SHANK2: variants seen among roughly 807,000 people sequenced by gnomAD.
SHANK2 encodes the protein SH3 and multiple ankyrin repeat domains protein 2.
In SHANK2, 43 loss-of-function variants were observed where a neutral mutation model predicts 133.7. That is an observed-to-expected ratio of 0.32 (90% CI 0.25 to 0.41). The LOEUF is 0.41. Among genes scored for constraint, SHANK2 ranks in the 10% least tolerant of loss-of-function variants. SHANK2 has a pLI of 1.00. For missense variants in SHANK2, 1,994 were observed against 2,235.8 expected (o/e 0.89, Z 2.18); for synonymous variants, 1,017 against 952.8 (o/e 1.07, Z -1.24).
At chr11:70,480,223 C>T (rs1490666422) in intron 25 of SHANK2, among the ~76,000 whole-genome samples, 2 of 152,240 alleles carry the variant, frequency 1.3e-5, no homozygotes, top group Non-Finnish European at 2.9e-5. Flanking sequence ...GCCTTGTACT[C>T]TCTGTCCCGT....
At chr11:70,836,509 T>TG (rs1948819993) in intron 11 of SHANK2, among the ~76,000 whole-genome samples, 1 of 152,248 alleles carries the variant, frequency 6.6e-6, no homozygotes, top group Non-Finnish European at 1.5e-5. Flanking sequence ...ACCCAAGGCC[T>TG]GGACCTCTAC....
At chr11:70,795,827 G>A (rs1555049037) in intron 14 of SHANK2, among the ~76,000 whole-genome samples, 1 of 152,208 alleles carries the variant, frequency 6.6e-6, no homozygotes, top group Non-Finnish European at 1.5e-5. Context: ...GGGGCCATGA[G>A]CCAAGGATGT....
Position 70,742,593 on chromosome 11 carries a change from C to A in SHANK2, c.1778-43830G>T, listed in dbSNP as rs550647311. Among the ~76,000 whole-genome samples the A allele has an allele frequency of 6.6e-5, 10 of 152,344 alleles. No homozygotes were observed. In the South Asian group the frequency reaches 1.9e-3, roughly 28 times the overall value. ...CAGTCCAGTTCACGCCACCCCCCAC[C>A]CGGCTCTGCCATCCCATAATCCAGC... is the stretch of plus-strand genomic sequence containing the variant. On this transcript the variant is annotated intron_variant, in intron 14 of 25. Transcript: ENST00000601538.
chr11:70,666,243 C>G (rs1477418938), intron 15 of SHANK2, among the ~76,000 whole-genome samples: 2 of 152,154 alleles, frequency 1.3e-5, no homozygotes, highest in Non-Finnish European at 2.9e-5. Flanking sequence ...GAAAAGGCAG[C>G]CCCAGGCCCT....
chr11:70,691,383 C>G (rs1304816276), intron 15 of SHANK2, among the ~76,000 whole-genome samples: 2 of 152,056 alleles, frequency 1.3e-5, no homozygotes, highest in African/African-American at 4.8e-5. Context: ...GAGGGCTGTC[C>G]ATCACAATAG....
At chr11:70,523,814 T>C (rs2059361391) in intron 17 of SHANK2, among the ~76,000 whole-genome samples, 1 of 152,110 alleles carries the variant, frequency 6.6e-6, no homozygotes, top group African/African-American at 2.4e-5. Flanking sequence ...TGGAAGAGCA[T>C]CATATGGAGG....
chr11:71,166,908 T>C (rs547962334), intron 2 of SHANK2, among the ~76,000 whole-genome samples: 1 of 139,392 alleles, frequency 7.2e-6, no homozygotes, highest in South Asian at 2.5e-4. Flanking sequence ...CAAAGGTCTC[T>C]GGTTTTCCTA....
At chr11:71,125,140 A>ATAAT (rs1952158405) in intron 3 of SHANK2, among the ~76,000 whole-genome samples, 1 of 152,142 alleles carries the variant, frequency 6.6e-6, no homozygotes, top group Non-Finnish European at 1.5e-5. Context: ...CTATGCCCCG[A>ATAAT]GACACAATAA....
chr11:71,062,414 G>T (rs965322998), intron 9 of SHANK2, among the ~76,000 whole-genome samples: 3 of 152,210 alleles, frequency 2.0e-5, no homozygotes, highest in Non-Finnish European at 4.4e-5. Flanking sequence ...GGCCTGGTGG[G>T]GTCAGCAAAG....
At chr11:70,512,207 G>A (rs1482720111) in intron 17 of SHANK2, among the ~76,000 whole-genome samples, 1 of 152,134 alleles carries the variant, frequency 6.6e-6, no homozygotes, top group African/African-American at 2.4e-5. Context: ...AATTCTACCT[G>A]CCAGCTGCCA....
intron 13 of SHANK2, among the ~76,000 whole-genome samples, chr11:70,800,317 C>G (rs557948171): frequency 6.6e-6 from 1 of 152,244 alleles, no homozygotes; most frequent in Non-Finnish European, 1.5e-5. Flanking sequence ...TGAGCCACTG[C>G]GCCGGTCTGT....
At chr11:71,070,038 G>A (rs1293407552) in intron 9 of SHANK2, among the ~76,000 whole-genome samples, 9 of 152,220 alleles carry the variant, frequency 5.9e-5, no homozygotes, top group African/African-American at 2.2e-4. Flanking sequence ...GGTGACTCAG[G>A]AAGGAAAGAA....
intron 2 of SHANK2, among the ~76,000 whole-genome samples, chr11:71,162,888 T>C (rs1318192752): frequency 6.6e-6 from 1 of 151,562 alleles, no homozygotes; most frequent in Non-Finnish European, 1.5e-5. Context: ...CTGACTAACA[T>C]GGTGAAACCC....
chr11:71,195,867 A>G (rs1482202598), intron 2 of SHANK2, among the ~76,000 whole-genome samples: 1 of 152,140 alleles, frequency 6.6e-6, no homozygotes, highest in Non-Finnish European at 1.5e-5. Flanking sequence ...TGCCTGCCAT[A>G]GAGGAGAGTC....
intron 1 of SHANK2, among the ~76,000 whole-genome samples, chr11:71,227,027 T>C (rs1226005150): frequency 1.2e-4 from 18 of 152,082 alleles, no homozygotes; most frequent in Admixed American, 1.2e-3. Flanking sequence ...GGTATTACAA[T>C]AGATGATAAA....
At chr11:70,783,833 C>T (rs542727928) in intron 14 of SHANK2, among the ~76,000 whole-genome samples, 1 of 152,326 alleles carries the variant, frequency 6.6e-6, no homozygotes, top group South Asian at 2.1e-4. Context: ...ACACAGGCAC[C>T]AAACAGGATC....
rs147296443 is a variant in SHANK2 at position 71,131,423 on chromosome 11, C to T, written c.208-12391G>A. Among the ~76,000 whole-genome samples, 20 of 152,246 alleles carry T rather than the reference C, an allele frequency of 1.3e-4. No individual in the cohort carries two copies. The East Asian group carries it at 2.5e-3, about 19-fold the overall frequency. On this transcript the variant is annotated intron_variant, in intron 3 of 25. Coordinates refer to ENST00000601538, the MANE Select transcript of SHANK2 (RefSeq NM_012309.5). Reference sequence around the variant, plus strand: ...ATGTTTAAACGCCAATAAAGGGTAACGGAGCTGTGGATTCGTTTTTCCAAT... The same window carrying T: ...ATGTTTAAACGCCAATAAAGGGTAATGGAGCTGTGGATTCGTTTTTCCAAT...
chr11:70,887,759 A>G (rs573592268), intron 11 of SHANK2, among the ~76,000 whole-genome samples: 127 of 152,244 alleles, frequency 8.3e-4, no homozygotes, highest in African/African-American at 3.0e-3. Context: ...ATTTTAATTT[A>G]CCCACTTTGA....
chr11:71,094,768 A>G, intron 6 of SHANK2, 80 bp from the exon 7 acceptor site: 1 of 1,423,104 alleles, frequency 7.0e-7, no homozygotes, highest in Non-Finnish European at 9.5e-7. Flanking sequence ...GCCCAAAACT[A>G]AGCTGAAAGA....
Sources: gnomAD v4.1 joint callset for allele counts (sites outside exome capture counted in the v4.1 genomes callset) on GRCh38, gnomAD v4.1.1 for gene constraint, MANE v1.5 for transcripts, NCBI Gene and HGNC (gene_info 2026-07-23, HGNC 2026-07-21) for gene names.